DNAH9: variants seen among roughly 807,000 people sequenced by gnomAD.
DNAH9 encodes the protein DNAH9 variant protein.
In DNAH9, 345 loss-of-function variants were observed where a neutral mutation model predicts 471.6. The observed-to-expected ratio is 0.73, with a 90% CI of 0.67 to 0.80. The LOEUF (loss-of-function observed/expected upper bound fraction) is 0.80, where lower values mean the gene tolerates loss of function less well. DNAH9 is among the 30% of genes least tolerant of loss of function. DNAH9 has a pLI of 0.00. For missense variants in DNAH9, 5,407 were observed against 5,609.2 expected, an observed-to-expected ratio of 0.96 and a Z score of 1.15; for synonymous variants, 2,093 against 2,123.6, an observed-to-expected ratio of 0.99 and a Z score of 0.40.
At chr17:11,694,681 G>T (rs372075119) in intron 22 of DNAH9, among the ~76,000 whole-genome samples, 133 of 1,658 alleles carry the variant, frequency 0.08, 18 homozygotes, top group Middle Eastern at 1. Flanking sequence ...TCGCTTTCTC[G>T]CTTTCTCGCT....
At chr17:11,691,370 T>A (rs998149350) in intron 20 of DNAH9, among the ~76,000 whole-genome samples, 2 of 152,110 alleles carry the variant, frequency 1.3e-5, no homozygotes, top group Admixed American at 1.3e-4. Flanking sequence ...GGGACAGAGG[T>A]GGAGATTCTT....
At chr17:11,865,329 A>G (rs1972005442) in intron 50 of DNAH9, among the ~76,000 whole-genome samples, 1 of 151,582 alleles carries the variant, frequency 6.6e-6, no homozygotes. Context: ...CTTTTCTTTA[A>G]GAATGTTGAA....
intron 38 of DNAH9, among the ~76,000 whole-genome samples, chr17:11,774,295 T>G (rs1968334704): frequency 6.6e-6 from 1 of 152,154 alleles, no homozygotes; most frequent in Non-Finnish European, 1.5e-5. Context: ...AAATACATAG[T>G]GTTGCATACT....
At chr17:11,810,978 G>T (rs1465462041) in intron 45 of DNAH9, among the ~76,000 whole-genome samples, 1 of 152,170 alleles carries the variant, frequency 6.6e-6, no homozygotes, top group Non-Finnish European at 1.5e-5. Context: ...GCTTGCTATT[G>T]CTATTTTATT....
chr17:11,903,251 T>C (rs905291454), intron 60 of DNAH9, among the ~76,000 whole-genome samples: 3 of 152,144 alleles, frequency 2.0e-5, no homozygotes, highest in African/African-American at 7.2e-5. Context: ...AGGCAGGGAA[T>C]TGCTTGAACC....
At chr17:11,831,100 C>T (rs535027922) in intron 48 of DNAH9, among the ~76,000 whole-genome samples, 1 of 152,136 alleles carries the variant, frequency 6.6e-6, no homozygotes, top group Admixed American at 6.5e-5. Flanking sequence ...ATGGACACAG[C>T]GTAAGCAGGA....
At chr17:11,878,549 G>GTTTGTTTC in intron 53 of DNAH9, among the ~76,000 whole-genome samples, 1 of 150,110 alleles carries the variant, frequency 6.7e-6, no homozygotes, top group African/African-American at 2.4e-5. Flanking sequence ...TAGTTTTTTT[G>GTTTGTTTC]TTTGTTTGTT....
chr17:11,687,952 A>G (rs1417949840), intron 19 of DNAH9, among the ~76,000 whole-genome samples: 1 of 151,612 alleles, frequency 6.6e-6, no homozygotes, highest in East Asian at 1.9e-4. Flanking sequence ...TGGCCAACAT[A>G]GTGAAACCCT....
intron 27 of DNAH9, among the ~76,000 whole-genome samples, chr17:11,726,182 AT>A (rs1361133402): frequency 6.6e-6 from 1 of 152,010 alleles, no homozygotes; most frequent in Non-Finnish European, 1.5e-5. Flanking sequence ...TAAAGCCATC[AT>A]TTCTTGTGTG....
intron 53 of DNAH9, among the ~76,000 whole-genome samples, chr17:11,878,605 G>T (rs767748705): frequency 1.4e-4 from 22 of 152,100 alleles, no homozygotes; most frequent in Non-Finnish European, 2.6e-4. Context: ...ACCCAGGCTG[G>T]AGTACAGTGG....
chr17:11,769,267 C>T lies in DNAH9; in HGVS notation c.7490C>T (p.Pro2497Leu). 1 of 1,614,154 alleles carries T rather than the reference C, an allele frequency of 6.2e-7. No individual in the cohort carries two copies. Among genetic ancestry groups the T allele is most frequent in the Non-Finnish European group, 8.5e-7 (1 of 1,180,036 alleles). ...GGAGCTAAGCTGGCCAGCCTTGACC[C>T]CGAGGCATACCTGGTGAAAAACGTG... ...LVGAKLASLD[P>L]EAYLVKNVPF... Residue 2497 changes from proline (P) to leucine (L), a missense_variant, in exon 38 of 69, where the codon CCC becomes CTC. By Grantham distance (98) the Pro-to-Leu change is moderately conservative. This residue lies in a region of DNAH9 where 4,636 missense variants were observed against 4,900.3 expected (regional missense o/e 0.95). Transcript: ENST00000262442.
intron 26 of DNAH9, among the ~76,000 whole-genome samples, chr17:11,707,909 G>C (rs1257145567): frequency 6.7e-6 from 1 of 148,884 alleles, no homozygotes; most frequent in Non-Finnish European, 1.5e-5. Flanking sequence ...TCTACTCTCT[G>C]TCCTCAGAGG....
chr17:11,810,042 C>A (rs1209878737), intron 44 of DNAH9, among the ~76,000 whole-genome samples: 3 of 152,080 alleles, frequency 2.0e-5, no homozygotes, highest in Admixed American at 6.6e-5. Flanking sequence ...TCTTGCCCAC[C>A]TTTATTGGCA....
Position 11,729,427 on chromosome 17 carries a change from A to T in DNAH9, c.5814+1505A>T, listed in dbSNP as rs73292633. 3.9e-3 allele frequency among the ~76,000 whole-genome samples: 597 copies of T among 152,092 alleles called. 3 individuals carry two copies. Among genetic ancestry groups the T allele is most frequent in the African/African-American group, 0.013 (556 of 41,488 alleles). Reference sequence around the variant, plus strand: ...TGCTTGGGACAATTATGTGCCTGGTACTCCTAGTGTGTGCCGCACACCATA... The same window carrying T: ...TGCTTGGGACAATTATGTGCCTGGTTCTCCTAGTGTGTGCCGCACACCATA... On this transcript the variant is annotated intron_variant, in intron 28 of 68. Coordinates refer to ENST00000262442, the MANE Select transcript of DNAH9 (RefSeq NM_001372.4).
intron 62 of DNAH9, among the ~76,000 whole-genome samples, chr17:11,925,614 A>G (rs1394100622): frequency 6.6e-6 from 1 of 152,196 alleles, no homozygotes; most frequent in African/African-American, 2.4e-5. Context: ...GGCACTTGTC[A>G]TGGACATCAG....
In DNAH9 at chr17:11,654,248, C is replaced by T. The variant is rs866703025; in HGVS notation, c.2595+1246C>T. 2.5e-4 allele frequency among the ~76,000 whole-genome samples: 24 copies of T among 94,162 alleles called. 4 individuals carry two copies. Among genetic ancestry groups the T allele is most frequent in the African/African-American group, 9.0e-4 (24 of 26,670 alleles). The allele number at this position is 94,162 out of a possible 152,430, so 61.8% of individuals were successfully genotyped here. On this transcript the variant is annotated intron_variant, in intron 14 of 68. Transcript: ENST00000262442. ...GCGGGCGCCTGTAGTCCCAGCTACT[C>T]GGGAGGCTGAGGCAGGAGAATGGCG...
chr17:11,707,579 G>A (rs1567736380), intron 26 of DNAH9, among the ~76,000 whole-genome samples: 1 of 151,928 alleles, frequency 6.6e-6, no homozygotes, highest in Non-Finnish European at 1.5e-5. Flanking sequence ...CAGTCTGGAA[G>A]GGGAGAGGAG....
chr17:11,886,945 A>G lies in DNAH9; in HGVS notation c.11092A>G (p.Met3698Val), dbSNP rs1972899242. ...IMNDLSKIHPMYQFSLKAFSI... is the reference protein window; with the variant it reads ...IMNDLSKIHPVYQFSLKAFSI... ...GAACGACCTCAGCAAGATCCATCCA[A>G]TGTACCAGTTTTCTCTCAAGGTGAC... Residue 3698 changes from methionine (M) to valine (V), a missense_variant, in exon 57 of 69, where the codon ATG (methionine) becomes GTG (valine). By Grantham distance (21) the Met-to-Val change is conservative. Around this residue, in one of 3 missense-constraint regions of DNAH9, gnomAD observed 4,636 missense variants for 4,900.3 expected, o/e 0.95. Transcript: ENST00000262442. 4.3e-6 allele frequency: 7 copies of G among 1,610,242 alleles called. No homozygotes were observed. The highest frequency in any genetic ancestry group is 2.2e-5 in the East Asian group (1 of 44,728).
intron 42 of DNAH9, among the ~76,000 whole-genome samples, chr17:11,796,944 T>A (rs1307903432): frequency 6.6e-6 from 1 of 152,212 alleles, no homozygotes; most frequent in Non-Finnish European, 1.5e-5. Flanking sequence ...CCAGCCCGTA[T>A]TTATTCAACA....
Sources: allele counts gnomAD v4.1 joint callset (sites outside exome capture counted in the v4.1 genomes callset), GRCh38; gene constraint gnomAD v4.1.1; regional missense constraint gnomAD v4.1.1; transcripts MANE v1.5; gene names NCBI Gene and HGNC (gene_info 2026-07-23, HGNC 2026-07-21).